KRR1: variants seen among roughly 807,000 people sequenced by gnomAD.
KRR1 encodes the protein KRR1 small subunit processome component homolog.
KRR1 carries 23 observed loss-of-function variants against 50.0 expected under a neutral mutation model. That is an observed-to-expected ratio of 0.46 (90% CI 0.33 to 0.65). The LOEUF (loss-of-function observed/expected upper bound fraction) is 0.65. Ranked by LOEUF, KRR1 falls within the 30% of genes least tolerant of loss-of-function variation. The pLI, the probability that KRR1 is intolerant of heterozygous loss-of-function variation, is 0.02. For synonymous variants in KRR1, 133 were observed against 146.3 expected, an observed-to-expected ratio of 0.91 and a Z score of 0.66; for missense variants, 419 against 442.4, an observed-to-expected ratio of 0.95 and a Z score of 0.47.
Position 75,495,886 on chromosome 12 carries a change from C to CA in KRR1, c.*3922dup. On this transcript the variant is annotated 3_prime_UTR_variant, in exon 10 of 10. Coordinates refer to ENST00000229214, the MANE Select transcript of KRR1 (RefSeq NM_007043.7). ...TTAGTTCTAATTGGTCAAACAACAACAACAAAAAAAACTGTCAGAAACTGT... is the reference window on the plus strand; with the variant it reads ...TTAGTTCTAATTGGTCAAACAACAACAAACAAAAAAAACTGTCAGAAACTGT... 14 of 326,014 alleles carry CA rather than the reference C, an allele frequency of 4.3e-5. No homozygotes were observed. The highest frequency in any genetic ancestry group is 6.7e-5 in the Non-Finnish European group (12 of 180,042). 20.2% of individuals were successfully genotyped at this position (326,014 alleles called of 1,614,324 possible).
chr12:75,498,807 CTA>C lies in KRR1; in HGVS notation c.*1000_*1001del, dbSNP rs2046368968. On this transcript the variant is annotated 3_prime_UTR_variant, in exon 10 of 10. Coordinates refer to ENST00000229214, the MANE Select transcript of KRR1 (RefSeq NM_007043.7). ...GAGGAACAATGTCTAAGAGGATATT[CTA>C]TGTTTGTTTCACAGGTTACTACTCT... 1 of 1,611,884 alleles carries C rather than the reference CTA, an allele frequency of 6.2e-7. No individual in the cohort carries two copies. The highest frequency in any genetic ancestry group is 8.5e-7 in the Non-Finnish European group (1 of 1,178,370).
In KRR1 at chr12:75,497,146, A is replaced by C. The variant is rs2046356389; in HGVS notation, c.*2663T>G. 1 of 152,200 alleles carries C rather than the reference A, an allele frequency of 6.6e-6. No individual in the cohort carries two copies. Among genetic ancestry groups the C allele is most frequent in the Admixed American group, 6.5e-5 (1 of 15,276 alleles). 9.4% of individuals were successfully genotyped at this position (152,200 alleles called of 1,614,324 possible). The stretch of plus-strand genomic sequence containing the variant: ...TGCAATTTCCAGTTTGACCACTGTG[A>C]CTTTGGGCAAGTTTCTGCTTCTATT... On this transcript the variant is annotated 3_prime_UTR_variant, in exon 10 of 10. Transcript: ENST00000229214.
At chr12:75,503,591 A>T in intron 7 of KRR1, 1 of 189,504 alleles carries the variant, frequency 5.3e-6, no homozygotes, top group Non-Finnish European at 1.1e-5. Context: ...CAGTCACAAT[A>T]ATGTTGCCAA....
rs935033309 is a variant in KRR1, at chr12:75,498,134, A to C, written c.*1675T>G. On this transcript the variant is annotated 3_prime_UTR_variant, in exon 10 of 10. Coordinates refer to ENST00000229214, the MANE Select transcript of KRR1 (RefSeq NM_007043.7). ...TATTTTATAAAAGAAAGTATCCAGA[A>C]GGCTAAAGGCAGTTGTGGAATTTAT... 1 of 152,522 alleles carries C rather than the reference A, an allele frequency of 6.6e-6. No homozygotes were observed. Among genetic ancestry groups the C allele is most frequent in the Non-Finnish European group, 1.5e-5 (1 of 68,314 alleles). 9.4% of individuals were successfully genotyped at this position (152,522 alleles called of 1,614,324 possible).
At position 75,496,308 on chromosome 12, in the gene KRR1, T is replaced by C. The variant is rs1392922600; in HGVS notation, c.*3501A>G. On this transcript the variant is annotated 3_prime_UTR_variant, in exon 10 of 10. Transcript: ENST00000229214. ...AGGTGGAGGTTGCAGTGAGCAGAGA[T>C]TGTACCACTGCACTCCAGCCTGGGT... The C allele has an allele frequency of 6.6e-6, 1 of 151,908 alleles. No homozygotes were observed. The highest frequency in any genetic ancestry group is 2.4e-5 in the African/African-American group (1 of 41,378). The allele number at this position is 151,908 out of a possible 1,614,324, so 9.4% of individuals were successfully genotyped here.
Position 75,498,548 on chromosome 12 carries a change from G to C in KRR1, c.*1261C>G, listed in dbSNP as rs537394343. 18 of 626,914 alleles carry C rather than the reference G, an allele frequency of 2.9e-5. No homozygotes were observed. Among genetic ancestry groups the C allele is most frequent in the African/African-American group, 2.8e-4 (15 of 54,176 alleles). The allele number at this position is 626,914 out of a possible 1,614,324, so 38.8% of individuals were successfully genotyped here. A position where few individuals can be genotyped will look rare whatever the true frequency, so the allele number is the denominator to read the frequency against. ...CAAGTTAATTCAGTCAGTTCAAAAA[G>C]TTTTGAATAATTAAACTTGGAAAGT... On this transcript the variant is annotated 3_prime_UTR_variant, in exon 10 of 10. Coordinates refer to ENST00000229214, the MANE Select transcript of KRR1 (RefSeq NM_007043.7).
Position 75,505,266 on chromosome 12 carries a change from A to G in KRR1, c.604-12T>C, listed in dbSNP as rs201843703. On this transcript the variant is annotated splice_polypyrimidine_tract_variant and intron_variant, in intron 5 of 9. Transcript: ENST00000229214. ...ACTACTTTTCTAACCTGAAATTTGC[A>G]AAGAAAAATGAATTAGTCACAAGGA... 2.6e-6 allele frequency: 4 copies of G among 1,568,028 alleles called. No individual in the cohort carries two copies. The East Asian group carries it at 7.0e-5, about 28-fold the overall frequency.
chr12:75,497,209 C>CTTAA lies in KRR1; in HGVS notation c.*2599_*2600insTTAA, dbSNP rs2046356863. The stretch of plus-strand genomic sequence containing the variant: ...ACAACCCAGTGAAAAAAATGTTTCC[C>CTTAA]TTTAAAAATCTAGGCAATTAGTAAC... On this transcript the variant is annotated 3_prime_UTR_variant, in exon 10 of 10. Coordinates refer to ENST00000229214, the MANE Select transcript of KRR1 (RefSeq NM_007043.7). The CTTAA allele has an allele frequency of 6.6e-6, 1 of 152,088 alleles. No homozygotes were observed. Among genetic ancestry groups the CTTAA allele is most frequent in the Admixed American group, 6.6e-5 (1 of 15,266 alleles). 9.4% of individuals were successfully genotyped at this position (152,088 alleles called of 1,614,324 possible). A position where few individuals can be genotyped will look rare whatever the true frequency, so the allele number is the denominator to read the frequency against.
Position 75,506,781 on chromosome 12 carries a change from C to T in KRR1, c.393+1G>A. ...CAAAGTCTCTGTAATTCTAGATTTA[C>T]CTGTTCAAATGAAACACTCCTTGCT... On this transcript the variant is annotated splice_donor_variant, in intron 3 of 9. Coordinates refer to ENST00000229214, the MANE Select transcript of KRR1 (RefSeq NM_007043.7). LOFTEE classifies it high-confidence loss of function. The T allele has an allele frequency of 6.2e-7, 1 of 1,608,718 alleles. No individual in the cohort carries two copies. The highest frequency in any genetic ancestry group is 8.5e-7 in the Non-Finnish European group (1 of 1,177,956).
In KRR1 at chr12:75,493,276, G is replaced by A. The variant is rs1264607370; in HGVS notation, c.*6533C>T. On this transcript the variant is annotated 3_prime_UTR_variant, in exon 10 of 10. Transcript: ENST00000229214. ...AAAGGTAAAACAGAGAGACCAGTTA[G>A]GAATGTCCTCATTTCCCTTTGCCCT... 6.6e-6 allele frequency: 1 copy of A among 152,170 alleles called. No homozygotes were observed. The highest frequency in any genetic ancestry group is 1.5e-5 in the Non-Finnish European group (1 of 68,038). The allele number at this position is 152,170 out of a possible 1,614,324, so 9.4% of individuals were successfully genotyped here.
chr12:75,502,908 A>C (rs1697752), intron 7 of KRR1: 94,274 of 151,842 alleles, frequency 0.62, 29,445 homozygotes, highest in South Asian at 0.67. Flanking sequence ...CATGATCCAA[A>C]ACTTCCATTG....
chr12:75,492,679 A>T lies in KRR1; in HGVS notation c.*7130T>A, dbSNP rs2046330074. 6.6e-6 allele frequency: 1 copy of T among 152,254 alleles called. No homozygotes were observed. Among genetic ancestry groups the T allele is most frequent in the Admixed American group, 6.5e-5 (1 of 15,282 alleles). 9.4% of individuals were successfully genotyped at this position (152,254 alleles called of 1,614,324 possible). A position where few individuals can be genotyped will look rare whatever the true frequency, so the allele number is the denominator to read the frequency against. On this transcript the variant is annotated 3_prime_UTR_variant, in exon 10 of 10. Coordinates refer to ENST00000229214, the MANE Select transcript of KRR1 (RefSeq NM_007043.7). The stretch of plus-strand genomic sequence containing the variant: ...AACAATATTAAATTATAAAACTTAC[A>T]ACCAAAGTTATAATGCTTCCATAAA...
rs770328336 is a variant in KRR1 at position 75,506,309 on chromosome 12, T to C, written c.603+7A>G. 2 of 1,563,090 alleles carry C rather than the reference T, an allele frequency of 1.3e-6. No homozygotes were observed. Among genetic ancestry groups the C allele is most frequent in the South Asian group, 1.1e-5 (1 of 88,956 alleles). On this transcript the variant is annotated splice_region_variant and intron_variant, in intron 5 of 9. Transcript: ENST00000229214. Reference sequence around the variant, plus strand: ...AAAATGAATCGAAGATAATACATAGTTCTCACCTCTTTTAAGCCACTAAAA... The same window carrying C: ...AAAATGAATCGAAGATAATACATAGCTCTCACCTCTTTTAAGCCACTAAAA...
At chr12:75,505,443 C>T (rs2046417714) in intron 5 of KRR1, among the ~76,000 whole-genome samples, 189 bp from the exon 6 acceptor site, 1 of 152,004 alleles carries the variant, frequency 6.6e-6, no homozygotes, top group African/African-American at 2.4e-5. Flanking sequence ...CCCTTGAATA[C>T]AATACAGTTT....
Position 75,503,782 on chromosome 12 carries a change from G to GCA in KRR1, c.831+120_831+121dup, listed in dbSNP as rs200628608. Reference sequence around the variant, plus strand: ...TTTACCCTCAGTTTCTTATAGCTCTGCACACACACACACAATATATATATA... The same window carrying GCA: ...TTTACCCTCAGTTTCTTATAGCTCTGCACACACACACACACAATATATATATA... On this transcript the variant is annotated intron_variant, in intron 7 of 9. Transcript: ENST00000229214. 5.3e-4 allele frequency: 442 copies of GCA among 841,252 alleles called. 2 individuals are homozygous for GCA. The highest frequency in any genetic ancestry group is 2.6e-3 in the South Asian group (111 of 42,060). The allele number at this position is 841,252 out of a possible 1,614,324, so 52.1% of individuals were successfully genotyped here.
chr12:75,501,640 GTTTCT>G, intron 9 of KRR1, 78 bp downstream of exon 9: 1 of 879,940 alleles, frequency 1.1e-6, no homozygotes, highest in East Asian at 2.6e-5. Context: ...AGATACAACT[GTTTCT>G]TAAAAAGATT....
At position 75,505,256 on chromosome 12, in the gene KRR1, T is replaced by C; in HGVS notation, c.604-2A>G. The C allele has an allele frequency of 1.3e-6, 2 of 1,572,888 alleles. No homozygotes were observed. The highest frequency in any genetic ancestry group is 2.3e-5 in the South Asian group (2 of 85,980). ...AGTATCAAGGACTACTTTTCTAACC[T>C]GAAATTTGCAAAGAAAAATGAATTA... On this transcript the variant is annotated splice_acceptor_variant, in intron 5 of 9. Coordinates refer to ENST00000229214, the MANE Select transcript of KRR1 (RefSeq NM_007043.7). LOFTEE classifies it high-confidence loss of function.
intron 7 of KRR1, 93 bp downstream of exon 7, chr12:75,503,811 A>G: frequency 1.8e-6 from 2 of 1,105,004 alleles, no homozygotes; most frequent in South Asian, 1.6e-5. Context: ...ATATATATAC[A>G]CATATCCCAC....
chr12:75,504,183 GTTTCTTTGGTGAAAT>G (rs1344830829), intron 6 of KRR1, 109 bp from the exon 7 acceptor site: 5 of 698,158 alleles, frequency 7.2e-6, no homozygotes, highest in Non-Finnish European at 1.1e-5. Flanking sequence ...ACAGTTCCTA[GTTTCTTTGGTGAAAT>G]TAAACCAATT....
Sources: gnomAD v4.1 joint callset for allele counts (sites outside exome capture counted in the v4.1 genomes callset) on GRCh38, gnomAD v4.1.1 for gene constraint, MANE v1.5 for transcripts, NCBI Gene and HGNC (gene_info 2026-07-23, HGNC 2026-07-21) for gene names.